ELF1: variants seen among roughly 807,000 people sequenced by gnomAD.
The protein encoded by ELF1 is E74 like ETS transcription factor 1.
In ELF1, 24 loss-of-function variants were observed where a neutral mutation model predicts 59.9. The ratio of observed to expected loss-of-function variants is 0.40; its 90% CI spans 0.29 to 0.56. The LOEUF is 0.56. Among genes scored for constraint, ELF1 ranks in the 20% least tolerant of loss-of-function variants. The pLI is 0.44. For synonymous variants in ELF1, 248 were observed against 266.2 expected, an observed-to-expected ratio of 0.93 and a Z score of 0.67; for missense variants, 627 against 742.2, an observed-to-expected ratio of 0.84 and a Z score of 1.80.
intron 2 of ELF1, among the ~76,000 whole-genome samples, chr13:40,962,359 TGAAAAGTA>T (rs1871880127): frequency 6.6e-6 from 1 of 151,988 alleles, no homozygotes; most frequent in African/African-American, 2.4e-5. Flanking sequence ...TTATTAAGAA[TGAAAAGTA>T]GTTTTGAAGT....
Position 41,053,327 on chromosome 13 carries a change from C to G in ELF1, c.-229+7511G>C, listed in dbSNP as rs530116492. 6.4e-4 allele frequency among the ~76,000 whole-genome samples: 97 copies of G among 151,766 alleles called. 1 individual carries two copies. Among genetic ancestry groups the G allele is most frequent in the Non-Finnish European group, 9.7e-4 (66 of 67,956 alleles). The stretch of plus-strand genomic sequence containing the variant: ...CGAGATCATGCTACTGCACTCCAGC[C>G]TGGGTGACAGACTGAGACTCCGTCT... On this transcript the variant is annotated intron_variant, in intron 1 of 1. Coordinates refer to the ELF1 transcript ENST00000405737.
intron 1 of ELF1, among the ~76,000 whole-genome samples, chr13:41,042,536 C>T (rs914084334): frequency 1.3e-5 from 2 of 151,990 alleles, no homozygotes; most frequent in Admixed American, 1.3e-4. Flanking sequence ...TCAATTCCTA[C>T]CTATGAGTGA....
intron 1 of ELF1, among the ~76,000 whole-genome samples, chr13:41,025,202 T>TTGC (rs1425511943): frequency 6.6e-6 from 1 of 152,154 alleles, no homozygotes; most frequent in African/African-American, 2.4e-5. Context: ...ATTTCCTGAA[T>TTGC]TGCTCCATTC....
At chr13:40,976,163 G>C (rs1429561005) in intron 2 of ELF1, among the ~76,000 whole-genome samples, 2 of 152,194 alleles carry the variant, frequency 1.3e-5, no homozygotes, top group Non-Finnish European at 2.9e-5. Context: ...TCATTTCTGA[G>C]CAAACAGTGG....
At position 40,982,171 on chromosome 13, in the gene ELF1, T is replaced by C. The variant is rs1873311929; in HGVS notation, c.-117A>G. 2.9e-6 allele frequency: 4 copies of C among 1,369,934 alleles called. No individual in the cohort carries two copies. The highest frequency in any genetic ancestry group is 2.8e-5 in the Admixed American group (1 of 35,472). The allele number at this position is 1,369,934 out of a possible 1,614,324, so 84.9% of individuals were successfully genotyped here. On this transcript the variant is annotated 5_prime_UTR_variant, in exon 2 of 9. Coordinates refer to ENST00000239882, the MANE Select transcript of ELF1 (RefSeq NM_172373.4). ...ACCCTCAGCTCTGTCTGTGGAGTAA[T>C]TGTATACCCAAGTTTTCTTTAGGGA...
chr13:40,985,358 T>A (rs1378533758), intron 1 of ELF1, among the ~76,000 whole-genome samples: 1 of 152,184 alleles, frequency 6.6e-6, no homozygotes, highest in Non-Finnish European at 1.5e-5. Flanking sequence ...ACTGAAGATC[T>A]AAATCAATGA....
intron 8 of ELF1, among the ~76,000 whole-genome samples, chr13:40,935,542 A>C (rs1869707275): frequency 6.6e-6 from 1 of 152,228 alleles, no homozygotes; most frequent in African/African-American, 2.4e-5. Context: ...GGATGACTAG[A>C]GCCCGCCCAT....
chr13:40,988,316 A>T, intron 1 of ELF1, among the ~76,000 whole-genome samples: 1 of 152,246 alleles, frequency 6.6e-6, no homozygotes, highest in East Asian at 1.9e-4. Context: ...GATGTGTCCA[A>T]GGACACACAG....
intron 8 of ELF1, among the ~76,000 whole-genome samples, chr13:40,940,130 C>T (rs2085919512): frequency 1.3e-5 from 2 of 152,036 alleles, no homozygotes; most frequent in Admixed American, 6.5e-5. Context: ...TAAAAGTAAT[C>T]AAATAATAAT....
intron 1 of ELF1, among the ~76,000 whole-genome samples, chr13:41,045,661 C>T (rs1229433452): frequency 6.6e-6 from 1 of 152,140 alleles, no homozygotes. Context: ...GTTATAATTT[C>T]TGTTCTTTTA....
upstream of ELF1, among the ~76,000 whole-genome samples, chr13:41,020,839 C>CATGAATGT (rs1875659010): frequency 6.6e-6 from 1 of 151,918 alleles, no homozygotes; most frequent in Admixed American, 6.6e-5. Flanking sequence ...TTTTAGATAA[C>CATGAATGT]ATGAATGTAA....
At position 41,060,911 on chromosome 13, in the gene ELF1, T is replaced by TGCTGCCGCC. The variant is rs771566828; in HGVS notation, c.-311_-303dup. 3.4e-5 allele frequency: 9 copies of TGCTGCCGCC among 264,454 alleles called. 1 individual carries two copies. The highest frequency in any genetic ancestry group is 5.6e-5 in the African/African-American group (1 of 17,998). 16.4% of individuals were successfully genotyped at this position (264,454 alleles called of 1,614,324 possible). A position where few individuals can be genotyped will look rare whatever the true frequency, so the allele number is the denominator to read the frequency against. ...GCCGCCTCTGCGCTACTGAAGCTGC[T>TGCTGCCGCC]GCTGCCGCCGCCGCCGCCGCCGCCG... On this transcript the variant is annotated 5_prime_UTR_variant, in exon 1 of 2. Transcript: ENST00000405737.
At chr13:41,033,156 A>G (rs1257946057) in intron 1 of ELF1, among the ~76,000 whole-genome samples, 3 of 152,224 alleles carry the variant, frequency 2.0e-5, no homozygotes, top group East Asian at 3.8e-4. Flanking sequence ...AAACAGAGAA[A>G]TGAGGAAACC....
chr13:40,988,771 A>T (rs1289636754), intron 1 of ELF1, among the ~76,000 whole-genome samples: 1 of 152,246 alleles, frequency 6.6e-6, no homozygotes, highest in African/African-American at 2.4e-5. Flanking sequence ...AATACTTCAA[A>T]ATAGATTTGT....
chr13:41,019,711 T>C (rs1389872190), upstream of ELF1, among the ~76,000 whole-genome samples: 3 of 152,172 alleles, frequency 2.0e-5, no homozygotes, highest in Non-Finnish European at 4.4e-5. Context: ...TGGCTCTTAA[T>C]GTAACAATGG....
At chr13:41,055,453 C>T (rs1451047259) in intron 1 of ELF1, among the ~76,000 whole-genome samples, 1 of 151,500 alleles carries the variant, frequency 6.6e-6, no homozygotes, top group African/African-American at 2.4e-5. Context: ...CTGCCTCCTA[C>T]AGGAGGCCTT....
chr13:40,949,255 G>A (rs1350016975), intron 5 of ELF1, among the ~76,000 whole-genome samples: 3 of 151,608 alleles, frequency 2.0e-5, no homozygotes, highest in African/African-American at 7.3e-5. Context: ...CAAAGTGCTG[G>A]GATTAAAGGC....
In ELF1 at chr13:40,951,255, G is replaced by C; in HGVS notation, c.361+74C>G. 6 of 1,207,442 alleles carry C rather than the reference G, an allele frequency of 5.0e-6. No homozygotes were observed. In the South Asian group the frequency reaches 5.9e-5, roughly 12 times the overall value. 74.8% of individuals were successfully genotyped at this position (1,207,442 alleles called of 1,614,324 possible). On this transcript the variant is annotated intron_variant, in intron 4 of 8. Transcript: ENST00000239882. ...TATATAACATCATTTCTAATCTCTT[G>C]ATTTTACTAATAAAGAAAGATGGCA...
intron 1 of ELF1, among the ~76,000 whole-genome samples, chr13:41,006,877 G>A (rs890032152): frequency 1.2e-4 from 18 of 151,916 alleles, no homozygotes; most frequent in African/African-American, 4.1e-4. Flanking sequence ...CGTACATTTT[G>A]TATAGTATAT....
Sources: gnomAD v4.1 joint callset for allele counts (sites outside exome capture counted in the v4.1 genomes callset) on GRCh38, gnomAD v4.1.1 for gene constraint, MANE v1.5 for transcripts, NCBI Gene and HGNC (gene_info 2026-07-23, HGNC 2026-07-21) for gene names.